Variants in NBPF15 observed in about 807,000 individuals in gnomAD.
NBPF15 encodes NBPF family member NBPF15.
NBPF15 carries 74 observed loss-of-function variants against 62.2 expected under a neutral mutation model. The ratio of observed to expected loss-of-function variants is 1.19; its 90% CI spans 0.99 to 1.44. The LOEUF (loss-of-function observed/expected upper bound fraction) is 1.44. NBPF15 is among the 40% of genes most tolerant of loss of function. NBPF15 has a pLI of 0.00. For synonymous variants in NBPF15, 244 were observed against 209.7 expected (o/e 1.16, Z -1.41); for missense variants, 790 against 550.0 (o/e 1.44, Z -4.36).
rs1219625055 is a variant in NBPF15 at position 144,439,939 on chromosome 1, T to C, written c.65A>G (p.Glu22Gly). The change falls in exon 8 of 22, where the codon GAG becomes GGG. Residue 22 changes from glutamate (E) to glycine (G), a missense_variant. Physicochemically the swap from Glu to Gly is moderately conservative, Grantham distance 98 (BLOSUM62 -2). Coordinates refer to ENST00000581897, the MANE Select transcript of NBPF15 (RefSeq NM_001385408.1). Reference protein sequence around the residue: ...KAEMNILEINEKLRPQLAEKK... With the variant: ...KAEMNILEINGKLRPQLAEKK... ...CTCTGCCAACTGGGGGCGCAATTTC[T>C]CATTGATTTCTAGAATGTTCATCTC... The C allele has an allele frequency of 1.2e-6, 2 of 1,611,240 alleles. No individual in the cohort carries two copies. Among genetic ancestry groups the C allele is most frequent in the African/African-American group, 2.7e-5 (2 of 74,928 alleles).
intron 13 of NBPF15, among the ~76,000 whole-genome samples, chr1:144,432,092 A>T (rs1325326479): frequency 6.6e-6 from 1 of 152,114 alleles, no homozygotes; most frequent in Non-Finnish European, 1.5e-5. Context: ...TCATTGAACT[A>T]GTTTACAGTC....
intron 6 of NBPF15, among the ~76,000 whole-genome samples, chr1:144,442,342 G>GTA (rs1238808139): frequency 0.013 from 1,567 of 124,490 alleles, 35 homozygotes; most frequent in African/African-American, 0.046. Flanking sequence ...CGTGTGCCAT[G>GTA]TATATATATA....
At chr1:144,427,765 C>T (rs1264627153) in intron 16 of NBPF15, 53 bp downstream of exon 16, 2 of 611,410 alleles carry the variant, frequency 3.3e-6, no homozygotes, top group Non-Finnish European at 5.8e-6. Flanking sequence ...AGGAATATGA[C>T]CCTAACCAGA....
In NBPF15 at chr1:144,456,259, T is replaced by C. The variant is rs1406859811; in HGVS notation, c.-432+278A>G. On this transcript the variant is annotated intron_variant, in intron 4 of 21. Coordinates refer to ENST00000581897, the MANE Select transcript of NBPF15 (RefSeq NM_001385408.1). ...GGGGTAAGAGGGGAAGAGCAAGGAGTGGGATGCAGATCTAGCTACTAAGGA... is the reference window on the plus strand; with the variant it reads ...GGGGTAAGAGGGGAAGAGCAAGGAGCGGGATGCAGATCTAGCTACTAAGGA... 2.0e-5 allele frequency among the ~76,000 whole-genome samples: 3 copies of C among 150,552 alleles called. 1 individual carries two copies. In the East Asian group the frequency reaches 5.9e-4, roughly 30 times the overall value.
At chr1:144,423,454 A>G (rs1188950336) in intron 21 of NBPF15, among the ~76,000 whole-genome samples, 198 bp from the exon 22 acceptor site, 1 of 146,932 alleles carries the variant, frequency 6.8e-6, no homozygotes, top group African/African-American at 2.4e-5. Flanking sequence ...AGAGAAAGAC[A>G]GAGAGAGAGA....
chr1:144,431,614 G>A (rs1426118485), intron 13 of NBPF15, among the ~76,000 whole-genome samples: 1 of 133,322 alleles, frequency 7.5e-6, no homozygotes, highest in Non-Finnish European at 1.6e-5. Flanking sequence ...TTAACATTAG[G>A]TATATCTCCT....
chr1:144,445,565 G>A (rs372273316), intron 6 of NBPF15, among the ~76,000 whole-genome samples: 3,471 of 147,236 alleles, frequency 0.024, 81 homozygotes, highest in Middle Eastern at 0.066. Flanking sequence ...GAATTCATTC[G>A]CCATTATTCT....
At chr1:144,453,739 T>A (rs1260811761) in intron 4 of NBPF15, among the ~76,000 whole-genome samples, 2 of 147,106 alleles carry the variant, frequency 1.4e-5, no homozygotes, top group Non-Finnish European at 3.0e-5. Context: ...CAAAATCATT[T>A]GTTGTGAGGG....
At chr1:144,430,952 G>A (rs1295555664) in intron 13 of NBPF15, among the ~76,000 whole-genome samples, 8 of 151,976 alleles carry the variant, frequency 5.3e-5, no homozygotes, top group East Asian at 1.9e-4. Flanking sequence ...TAGCCAATTC[G>A]ATCAAGTGCA....
chr1:144,451,888 A>C (rs587755542), intron 4 of NBPF15, among the ~76,000 whole-genome samples: 1 of 151,802 alleles, frequency 6.6e-6, no homozygotes, highest in African/African-American at 2.4e-5. Flanking sequence ...GCCGTGGCTC[A>C]TGTCTGTAAT....
At chr1:144,439,648 G>T (rs1681363866) in intron 8 of NBPF15, among the ~76,000 whole-genome samples, 181 bp downstream of exon 8, 1 of 151,376 alleles carries the variant, frequency 6.6e-6, no homozygotes, top group Non-Finnish European at 1.5e-5. Flanking sequence ...AACATGGAAA[G>T]TTGCTAAATA....
At chr1:144,453,250 C>A (rs587725190) in intron 4 of NBPF15, among the ~76,000 whole-genome samples, 2 of 150,996 alleles carry the variant, frequency 1.3e-5, no homozygotes, top group South Asian at 4.2e-4. Context: ...ATAGCCTTTC[C>A]AACTAGTGGT....
At chr1:144,455,690 G>C (rs1234336755) in intron 4 of NBPF15, among the ~76,000 whole-genome samples, 1 of 151,934 alleles carries the variant, frequency 6.6e-6, no homozygotes, top group East Asian at 1.9e-4. Context: ...TTCCCTCCTT[G>C]CACTGGCTCC....
intron 8 of NBPF15, among the ~76,000 whole-genome samples, chr1:144,438,412 C>G (rs1172755236): frequency 6.6e-6 from 1 of 151,972 alleles, no homozygotes; most frequent in Admixed American, 6.6e-5. Context: ...GTAGTGATTT[C>G]TCGTACAGTC....
chr1:144,460,024 T>C (rs1242802737), intron 2 of NBPF15, among the ~76,000 whole-genome samples: 1 of 122,860 alleles, frequency 8.1e-6, no homozygotes, highest in Non-Finnish European at 1.7e-5. Flanking sequence ...TCATTACCTG[T>C]ACTTTTTTTT....
intron 6 of NBPF15, among the ~76,000 whole-genome samples, chr1:144,444,924 T>C (rs6669739): frequency 0.037 from 5,634 of 152,004 alleles, 209 homozygotes; most frequent in Admixed American, 0.11. Flanking sequence ...ATTTGTGTTA[T>C]GTTTAACCTT....
At chr1:144,429,367 A>G (rs2101806659) in intron 14 of NBPF15, among the ~76,000 whole-genome samples, 1 of 151,302 alleles carries the variant, frequency 6.6e-6, no homozygotes, top group South Asian at 2.1e-4. Context: ...AGAGACATTT[A>G]ATTCAGATGA....
At chr1:144,459,170 G>A (rs1483325875) in intron 3 of NBPF15, among the ~76,000 whole-genome samples, 196 bp downstream of exon 3, 4 of 151,840 alleles carry the variant, frequency 2.6e-5, no homozygotes, top group Admixed American at 2.0e-4. Flanking sequence ...TAAAGGAAAA[G>A]ATTGATAAAG....
At position 144,461,587 on chromosome 1, in the gene NBPF15, C is replaced by G. The variant is rs75385324; in HGVS notation, c.-1144G>C. 1 of 152,836 alleles carries G rather than the reference C, an allele frequency of 6.5e-6. No individual in the cohort carries two copies. Among genetic ancestry groups the G allele is most frequent in the Non-Finnish European group, 1.5e-5 (1 of 68,670 alleles). 9.5% of individuals were successfully genotyped at this position (152,836 alleles called of 1,614,324 possible). ...CGACCCTCACCTACCCCTCCCGATA[C>G]CGCCGCTGTCTCAACCGCCGCCCAG... On this transcript the variant is annotated 5_prime_UTR_variant, in exon 1 of 22. Coordinates refer to ENST00000581897, the MANE Select transcript of NBPF15 (RefSeq NM_001385408.1).
Sources: allele counts gnomAD v4.1 joint callset (sites outside exome capture counted in the v4.1 genomes callset), GRCh38; gene constraint gnomAD v4.1.1; transcripts MANE v1.5; gene names NCBI Gene and HGNC (gene_info 2026-07-23, HGNC 2026-07-21).